Variants in CHSY3 observed in about 807,000 individuals in gnomAD.
The protein encoded by CHSY3 is N-acetylgalactosaminyl-proteoglycan 3-beta-glucuronosyltransferase 3.
In CHSY3, 35 loss-of-function variants were observed where a neutral mutation model predicts 67.2. The observed-to-expected ratio is 0.52, with a 90% CI of 0.40 to 0.69. CHSY3 has a LOEUF of 0.69. CHSY3 is among the 30% of genes least tolerant of loss of function. The pLI, the probability that CHSY3 is intolerant of heterozygous loss-of-function variation, is 0.00. For missense variants in CHSY3, 1,069 were observed against 1,138.5 expected (o/e 0.94, Z 0.88); for synonymous variants, 474 against 434.7 (o/e 1.09, Z -1.12).
At chr5:130,014,010 C>G (rs999751823) in intron 2 of CHSY3, among the ~76,000 whole-genome samples, 2 of 152,190 alleles carry the variant, frequency 1.3e-5, no homozygotes, top group Non-Finnish European at 2.9e-5. Flanking sequence ...TTCCACATAT[C>G]CCTAAAGCAC....
intron 2 of CHSY3, among the ~76,000 whole-genome samples, chr5:130,143,788 A>ATATATATATATATATGTGTG (rs1768971208): frequency 1.1e-4 from 5 of 47,374 alleles, no homozygotes; most frequent in Non-Finnish European, 1.2e-4. Context: ...ATATGTGTAT[A>ATATATATATATATATGTGTG]TATATATATA....
chr5:130,089,378 T>G (rs929751261), intron 2 of CHSY3, among the ~76,000 whole-genome samples: 1 of 151,480 alleles, frequency 6.6e-6, no homozygotes, highest in Non-Finnish European at 1.5e-5. Context: ...ATAATAATAA[T>G]AAAATAAAAA....
intron 2 of CHSY3, among the ~76,000 whole-genome samples, chr5:129,980,234 G>A (rs1011574864): frequency 1.5e-4 from 23 of 152,254 alleles, no homozygotes; most frequent in Admixed American, 1.4e-3. Context: ...AGTTTCTGTC[G>A]CACCACATCC....
intron 2 of CHSY3, among the ~76,000 whole-genome samples, chr5:129,996,328 G>T (rs1763536420): frequency 6.6e-6 from 1 of 152,144 alleles, no homozygotes; most frequent in Non-Finnish European, 1.5e-5. Context: ...GGAATAGCTT[G>T]CTTATAAGAA....
chr5:130,037,663 A>T (rs966196687), intron 2 of CHSY3, among the ~76,000 whole-genome samples: 3 of 151,924 alleles, frequency 2.0e-5, no homozygotes, highest in African/African-American at 7.2e-5. Flanking sequence ...ATAATTTACT[A>T]TGTTTTTAGA....
intron 2 of CHSY3, among the ~76,000 whole-genome samples, chr5:130,005,002 A>C (rs2149642056): frequency 6.6e-6 from 1 of 152,326 alleles, no homozygotes; most frequent in African/African-American, 2.4e-5. Context: ...TATGCTTAAA[A>C]GTATATCATT....
intron 2 of CHSY3, among the ~76,000 whole-genome samples, chr5:129,962,577 A>T (rs573442511): frequency 2.6e-4 from 40 of 152,028 alleles, no homozygotes; most frequent in South Asian, 1.5e-3. Flanking sequence ...TATAAAGACC[A>T]CACTCCTTTC....
intron 2 of CHSY3, among the ~76,000 whole-genome samples, chr5:129,933,067 T>G (rs1280311856): frequency 6.6e-6 from 1 of 152,134 alleles, no homozygotes; most frequent in East Asian, 1.9e-4. Flanking sequence ...TTATGTAGCA[T>G]AGAGTGATAC....
intron 2 of CHSY3, among the ~76,000 whole-genome samples, chr5:130,050,613 C>G (rs1037256768): frequency 6.6e-6 from 1 of 152,070 alleles, no homozygotes; most frequent in African/African-American, 2.4e-5. Flanking sequence ...TGTTTTAAAA[C>G]TTGAAACATG....
chr5:130,179,238 G>A (rs531325915), intron 2 of CHSY3, among the ~76,000 whole-genome samples: 1 of 152,118 alleles, frequency 6.6e-6, no homozygotes, highest in South Asian at 2.1e-4. Context: ...ATTTTATCTG[G>A]CACACGCAGT....
At chr5:130,024,137 C>CAAAAAAAAAAAA (rs5871376) in intron 2 of CHSY3, among the ~76,000 whole-genome samples, 1 of 110,028 alleles carries the variant, frequency 9.1e-6, no homozygotes, top group East Asian at 2.6e-4. Context: ...GATTGATGGT[C>CAAAAAAAAAAAA]AAAAAAAAAA....
chr5:130,072,441 G>T (rs1192776030), intron 2 of CHSY3, among the ~76,000 whole-genome samples: 1 of 152,036 alleles, frequency 6.6e-6, no homozygotes, highest in African/African-American at 2.4e-5. Flanking sequence ...TGTGTTCTTG[G>T]CATCCTTCTT....
chr5:129,957,477 T>G (rs1762210807), intron 2 of CHSY3, among the ~76,000 whole-genome samples: 1 of 152,210 alleles, frequency 6.6e-6, no homozygotes, highest in Admixed American at 6.6e-5. Context: ...CTGATTGATC[T>G]TCATATATTT....
At chr5:129,985,869 T>A (rs1374281192) in intron 2 of CHSY3, among the ~76,000 whole-genome samples, 1 of 152,186 alleles carries the variant, frequency 6.6e-6, no homozygotes, top group Non-Finnish European at 1.5e-5. Context: ...TGTACATTGA[T>A]TTTGTATCTT....
intron 2 of CHSY3, among the ~76,000 whole-genome samples, chr5:130,089,679 G>C (rs1766810538): frequency 6.6e-6 from 1 of 152,146 alleles, no homozygotes; most frequent in South Asian, 2.1e-4. Context: ...ATCACTGCTT[G>C]ATCATGCCTG....
At position 129,904,680 on chromosome 5, in the gene CHSY3, C is replaced by A; in HGVS notation, c.-150C>A. 1 of 1,170,466 alleles carries A rather than the reference C, an allele frequency of 8.5e-7. No homozygotes were observed. The highest frequency in any genetic ancestry group is 1.1e-6 in the Non-Finnish European group (1 of 938,218). The allele number at this position is 1,170,466 out of a possible 1,614,324, so 72.5% of individuals were successfully genotyped here. ...CCCGCGGCAGTCGAGGCGTCCGCGGCGCTTCGACCTCCAGCCGGTGTCGGC... is the reference window on the plus strand; with the variant it reads ...CCCGCGGCAGTCGAGGCGTCCGCGGAGCTTCGACCTCCAGCCGGTGTCGGC... On this transcript the variant is annotated 5_prime_UTR_variant, in exon 1 of 3. Coordinates refer to ENST00000305031, the MANE Select transcript of CHSY3 (RefSeq NM_175856.5).
In CHSY3 at chr5:130,087,376, G is replaced by A. The variant is rs111569064; in HGVS notation, c.1087-96853G>A. 4.3e-3 allele frequency among the ~76,000 whole-genome samples: 659 copies of A among 152,234 alleles called. 5 individuals carry two copies. The highest frequency in any genetic ancestry group is 0.014 in the African/African-American group (594 of 41,544). On this transcript the variant is annotated intron_variant, in intron 2 of 2. Transcript: ENST00000305031. ...TTGGAAGTTCTGGCCAGGGCAATTA[G>A]GCAGGAGAAGGAAATAAAGGTATTC...
intron 2 of CHSY3, among the ~76,000 whole-genome samples, chr5:129,970,375 A>G (rs1222518653): frequency 1.3e-5 from 2 of 150,468 alleles, no homozygotes; most frequent in Non-Finnish European, 3.0e-5. Flanking sequence ...TGCATGGGTA[A>G]ATGGGGTGGA....
chr5:130,062,624 T>C lies in CHSY3; in HGVS notation c.1087-121605T>C, dbSNP rs1165378001. 2.0e-5 allele frequency among the ~76,000 whole-genome samples: 3 copies of C among 152,108 alleles called. No homozygotes were observed. In the East Asian group the frequency reaches 5.8e-4, roughly 29 times the overall value. ...GTACATGTGCATACCTATGTAATAA[T>C]TTTTTTAAATGCAGTGAAATTAAAG... On this transcript the variant is annotated intron_variant, in intron 2 of 2. Transcript: ENST00000305031.
Sources: allele counts gnomAD v4.1 joint callset (sites outside exome capture counted in the v4.1 genomes callset), GRCh38; gene constraint gnomAD v4.1.1; transcripts MANE v1.5; gene names NCBI Gene and HGNC (gene_info 2026-07-23, HGNC 2026-07-21).